The following ARHGEF28 variants were observed in gnomAD, a reference collection of about 807,000 sequenced individuals.
The protein encoded by ARHGEF28 is 190 kDa guanine nucleotide exchange factor.
A neutral mutation model predicts 206.6 loss-of-function variants in ARHGEF28; 152 were observed. That is an observed-to-expected ratio of 0.74 (90% CI 0.64 to 0.84). The LOEUF (loss-of-function observed/expected upper bound fraction) is 0.84. ARHGEF28 is among the 40% of genes least tolerant of loss of function. The pLI, the probability that ARHGEF28 is intolerant of heterozygous loss-of-function variation, is 0.00. For missense variants in ARHGEF28, 2,028 were observed against 2,073.2 expected (o/e 0.98, Z 0.42); for synonymous variants, 763 against 776.4 (o/e 0.98, Z 0.29).
At chr5:73,642,126 A>G (rs1744152028) in intron 1 of ARHGEF28, among the ~76,000 whole-genome samples, 1 of 152,214 alleles carries the variant, frequency 6.6e-6, no homozygotes, top group Non-Finnish European at 1.5e-5. Context: ...CGCCTGTGAA[A>G]AAGACCAGAA....
At chr5:73,670,815 A>G (rs1746254828) in intron 1 of ARHGEF28, among the ~76,000 whole-genome samples, 1 of 151,888 alleles carries the variant, frequency 6.6e-6, no homozygotes, top group Non-Finnish European at 1.5e-5. Context: ...TCTTTTGTCA[A>G]TTTTCTAATT....
intron 30 of ARHGEF28, 163 bp from the exon 31 acceptor site, chr5:73,901,020 TG>T: frequency 1.8e-6 from 1 of 556,160 alleles, no homozygotes; most frequent in Non-Finnish European, 3.2e-6. Context: ...CCACATGCAT[TG>T]CTCTGCGCTC....
At chr5:73,840,871 C>T in intron 11 of ARHGEF28, 111 bp downstream of exon 11, 4 of 1,197,712 alleles carry the variant, frequency 3.3e-6, no homozygotes, top group Non-Finnish European at 4.6e-6. Flanking sequence ...TTTATTTGCC[C>T]ATCAAAATGT....
At chr5:73,706,502 A>G (rs1380886824) in intron 2 of ARHGEF28, among the ~76,000 whole-genome samples, 2 of 152,022 alleles carry the variant, frequency 1.3e-5, no homozygotes, top group Non-Finnish European at 2.9e-5. Context: ...TTGTTTTCTC[A>G]CTTGAATATG....
rs35192318 is a variant in ARHGEF28, at chr5:73,659,528, C to CA, written c.-11-25298dup. Among the ~76,000 whole-genome samples the CA allele has an allele frequency of 2.3e-3, 290 of 127,008 alleles. 1 individual carries two copies. Among genetic ancestry groups the CA allele is most frequent in the Middle Eastern group, 7.9e-3 (2 of 252 alleles). 83.3% of individuals were successfully genotyped at this position (127,008 alleles called of 152,430 possible). On this transcript the variant is annotated intron_variant, in intron 1 of 35. Coordinates refer to ENST00000513042, the MANE Select transcript of ARHGEF28 (RefSeq NM_001177693.2). Reference sequence around the variant, plus strand: ...TGGGTGACAGAGCAAGACTCCGTCTCAAAAAAAAAAAAAAAGTTTGTTATG... The same window carrying CA: ...TGGGTGACAGAGCAAGACTCCGTCTCAAAAAAAAAAAAAAAAGTTTGTTATG...
intron 2 of ARHGEF28, among the ~76,000 whole-genome samples, chr5:73,696,555 G>A (rs1398682661): frequency 6.6e-6 from 1 of 152,066 alleles, no homozygotes; most frequent in Non-Finnish European, 1.5e-5. Flanking sequence ...CCCTTCTATT[G>A]TAAGCACCAA....
intron 9 of ARHGEF28, among the ~76,000 whole-genome samples, chr5:73,819,865 C>T (rs1488334687): frequency 6.6e-6 from 1 of 152,178 alleles, no homozygotes; most frequent in African/African-American, 2.4e-5. Flanking sequence ...TAAGATGCAG[C>T]TTGAGTGTAC....
At chr5:73,737,502 C>CTTTTCTTTTCTT (rs1751052131) in intron 2 of ARHGEF28, among the ~76,000 whole-genome samples, 1 of 93,270 alleles carries the variant, frequency 1.1e-5, no homozygotes, top group Non-Finnish European at 2.2e-5. Context: ...CTTTTCTTTT[C>CTTTTCTTTTCTT]TTTTCTTTTC....
chr5:73,744,076 A>G (rs1057184183), intron 2 of ARHGEF28, among the ~76,000 whole-genome samples: 8 of 152,138 alleles, frequency 5.3e-5, no homozygotes, highest in Non-Finnish European at 1.0e-4. Flanking sequence ...GGAATAAGAC[A>G]AGAAAACACA....
At position 73,873,324 on chromosome 5, in the gene ARHGEF28, G is replaced by T; in HGVS notation, c.2814+78G>T. 2.0e-6 allele frequency: 3 copies of T among 1,466,444 alleles called. No individual in the cohort carries two copies. The East Asian group carries it at 7.2e-5, about 35-fold the overall frequency. The allele number at this position is 1,466,444 out of a possible 1,614,324, so 90.8% of individuals were successfully genotyped here. On this transcript the variant is annotated intron_variant, in intron 22 of 35. Coordinates refer to ENST00000513042, the MANE Select transcript of ARHGEF28 (RefSeq NM_001177693.2). ...AAAATCTGCCCTTTCATCAACAAGA[G>T]TAAAAAAAATGATATTTTGAAACAT...
At chr5:73,701,091 C>T (rs1748568730) in intron 2 of ARHGEF28, among the ~76,000 whole-genome samples, 1 of 152,164 alleles carries the variant, frequency 6.6e-6, no homozygotes, top group African/African-American at 2.4e-5. Context: ...GTTACCTATA[C>T]ATAAAATCCT....
intron 1 of ARHGEF28, among the ~76,000 whole-genome samples, chr5:73,628,955 G>A (rs1010528669): frequency 1.3e-5 from 2 of 152,124 alleles, no homozygotes; most frequent in African/African-American, 4.8e-5. Flanking sequence ...GGAAGCCCAA[G>A]GCAGTGTCAC....
intron 16 of ARHGEF28, 69 bp from the exon 17 acceptor site, chr5:73,864,748 A>G: frequency 7.4e-7 from 1 of 1,346,702 alleles, no homozygotes; most frequent in Non-Finnish European, 1.0e-6. Flanking sequence ...TGAAAGCATG[A>G]TGTAGTCTTA....
intron 14 of ARHGEF28, among the ~76,000 whole-genome samples, chr5:73,855,828 C>T (rs1215369539): frequency 6.6e-6 from 1 of 151,908 alleles, no homozygotes; most frequent in Non-Finnish European, 1.5e-5. Flanking sequence ...TGGAAACTGT[C>T]GTTTTTTATA....
At chr5:73,717,200 G>T (rs1749636112) in intron 2 of ARHGEF28, among the ~76,000 whole-genome samples, 1 of 151,984 alleles carries the variant, frequency 6.6e-6, no homozygotes, top group Non-Finnish European at 1.5e-5. Flanking sequence ...GTAAATGCAG[G>T]CCTGTTGCTA....
Position 73,664,007 on chromosome 5 carries a change from C to T in ARHGEF28, c.-11-20834C>T, listed in dbSNP as rs1158743082. ...ATCTTCAGTTCTCACATTGTTTCTCCTTTCTTAAAACACCACTCATGAGTC... is the reference window on the plus strand; with the variant it reads ...ATCTTCAGTTCTCACATTGTTTCTCTTTTCTTAAAACACCACTCATGAGTC... On this transcript the variant is annotated intron_variant, in intron 1 of 35. Transcript: ENST00000513042. Among the ~76,000 whole-genome samples the T allele has an allele frequency of 2.6e-5, 4 of 151,804 alleles. No individual in the cohort carries two copies. The East Asian group carries it at 7.7e-4, about 29-fold the overall frequency.
At chr5:73,626,488 G>GC (rs1561294036) in intron 1 of ARHGEF28, among the ~76,000 whole-genome samples, 166 bp downstream of exon 1, 2 of 152,098 alleles carry the variant, frequency 1.3e-5, no homozygotes, top group African/African-American at 4.8e-5. Flanking sequence ...CGGCGCGAGG[G>GC]CTGGGCGCCG....
chr5:73,913,673 G>A (rs890644375), intron 35 of ARHGEF28, among the ~76,000 whole-genome samples: 2 of 152,180 alleles, frequency 1.3e-5, no homozygotes, highest in South Asian at 2.1e-4. Context: ...CCAAGGACCA[G>A]GCAGTGTTGT....
intron 1 of ARHGEF28, among the ~76,000 whole-genome samples, chr5:73,674,035 G>A (rs1483313466): frequency 6.6e-6 from 1 of 151,572 alleles, no homozygotes; most frequent in African/African-American, 2.4e-5. Flanking sequence ...GGTGGGTGTG[G>A]TGGTATGCTC....
Sources: allele counts gnomAD v4.1 joint callset (sites outside exome capture counted in the v4.1 genomes callset), GRCh38; gene constraint gnomAD v4.1.1; transcripts MANE v1.5; gene names NCBI Gene and HGNC (gene_info 2026-07-23, HGNC 2026-07-21).